FER: variants seen among roughly 807,000 people sequenced by gnomAD.
FER encodes tyrosine-protein kinase Fer.
A neutral mutation model predicts 111.0 loss-of-function variants in FER; 63 were observed. The observed-to-expected ratio is 0.57, with a 90% confidence interval of 0.46 to 0.70. The LOEUF (loss-of-function observed/expected upper bound fraction) is 0.70, where lower values mean the gene tolerates loss of function less well. FER is among the 30% of genes least tolerant of loss of function. The pLI, the probability that FER is intolerant of heterozygous loss-of-function variation, is 0.00. For missense variants in FER, 914 were observed against 954.0 expected (o/e 0.96, Z 0.55); for synonymous variants, 327 against 313.9 (o/e 1.04, Z -0.44).
intron 16 of FER, among the ~76,000 whole-genome samples, chr5:109,094,969 GCTGTTGTTTCTTGAA>G: frequency 6.6e-6 from 1 of 152,218 alleles, no homozygotes; most frequent in East Asian, 1.9e-4. Flanking sequence ...CAAGAGTATA[GCTGTTGTTTCTTGAA>G]CAAGCAACTT....
At chr5:108,825,775 C>A (rs572074438) in intron 3 of FER, among the ~76,000 whole-genome samples, 25 of 152,232 alleles carry the variant, frequency 1.6e-4, no homozygotes, top group Admixed American at 1.6e-3. Context: ...TTGGGGGAAC[C>A]AATAAATGTC....
At chr5:108,989,046 C>G (rs1029806370) in intron 13 of FER, among the ~76,000 whole-genome samples, 1 of 152,056 alleles carries the variant, frequency 6.6e-6, no homozygotes, top group Admixed American at 6.5e-5. Context: ...AACGGTCATT[C>G]ACGAGCAGGT....
intron 2 of FER, among the ~76,000 whole-genome samples, chr5:108,792,261 C>A (rs1313267935): frequency 6.6e-6 from 1 of 152,200 alleles, no homozygotes; most frequent in African/African-American, 2.4e-5. Context: ...ATTTGTAGAT[C>A]AAATTGGAGA....
intron 13 of FER, among the ~76,000 whole-genome samples, chr5:108,975,584 T>G (rs2149708548): frequency 6.6e-6 from 1 of 152,282 alleles, no homozygotes; most frequent in Admixed American, 6.5e-5. Flanking sequence ...TTTTGAATGG[T>G]CTTATACTAG....
intron 5 of FER, among the ~76,000 whole-genome samples, chr5:108,850,099 G>T (rs992169699): frequency 1.3e-4 from 19 of 151,856 alleles, no homozygotes; most frequent in African/African-American, 4.1e-4. Flanking sequence ...GGAGGCTGAG[G>T]CAGGAGAATT....
At chr5:108,952,660 T>G (rs1757927239) in intron 11 of FER, among the ~76,000 whole-genome samples, 1 of 152,092 alleles carries the variant, frequency 6.6e-6, no homozygotes, top group African/African-American at 2.4e-5. Context: ...TCCTTACTAT[T>G]TAGTTTTTTA....
intron 3 of FER, among the ~76,000 whole-genome samples, chr5:108,823,470 C>G (rs887431624): frequency 3.9e-5 from 6 of 152,092 alleles, no homozygotes; most frequent in African/African-American, 1.2e-4. Flanking sequence ...TAATAGCCAT[C>G]TTAATAGGTG....
At chr5:109,056,908 T>G (rs149524481) in intron 16 of FER, among the ~76,000 whole-genome samples, 3 of 152,212 alleles carry the variant, frequency 2.0e-5, no homozygotes, top group African/African-American at 4.8e-5. Flanking sequence ...TCAGATTCTT[T>G]TAGAAGTCCT....
At chr5:109,123,422 TG>T (rs1561924228) in intron 17 of FER, among the ~76,000 whole-genome samples, 1 of 152,076 alleles carries the variant, frequency 6.6e-6, no homozygotes, top group Admixed American at 6.5e-5. Context: ...TCCAAAGTGC[TG>T]GGATTACAGG....
intron 10 of FER, among the ~76,000 whole-genome samples, chr5:108,900,710 A>G (rs1749887460): frequency 6.6e-6 from 1 of 152,202 alleles, no homozygotes; most frequent in Non-Finnish European, 1.5e-5. Flanking sequence ...ATGCTTCTGT[A>G]GAAGAGTGCT....
At chr5:108,807,732 A>G (rs1370932752) in intron 3 of FER, among the ~76,000 whole-genome samples, 2 of 152,008 alleles carry the variant, frequency 1.3e-5, no homozygotes, top group Non-Finnish European at 2.9e-5. Flanking sequence ...AGATCTTTCT[A>G]CCTTTTTGAG....
At chr5:108,887,213 T>A (rs1747305120) in intron 9 of FER, among the ~76,000 whole-genome samples, 1 of 151,732 alleles carries the variant, frequency 6.6e-6, no homozygotes, top group African/African-American at 2.4e-5. Context: ...ATTAATGGAA[T>A]TATATTGAAT....
intron 2 of FER, among the ~76,000 whole-genome samples, chr5:108,790,235 CCA>C (rs66805209): frequency 0.49 from 71,590 of 144,992 alleles, 18,522 homozygotes; most frequent in East Asian, 0.77. Context: ...TGCATACACA[CCA>C]CACACACACA....
At chr5:108,957,641 T>C (rs1462881826) in intron 12 of FER, among the ~76,000 whole-genome samples, 3 of 151,592 alleles carry the variant, frequency 2.0e-5, no homozygotes, top group Non-Finnish European at 4.4e-5. Context: ...ACCAAAGGGA[T>C]ACCTGTACTC....
intron 3 of FER, among the ~76,000 whole-genome samples, chr5:108,819,138 C>T (rs1201032831): frequency 1.3e-5 from 2 of 151,632 alleles, no homozygotes; most frequent in Admixed American, 1.3e-4. Flanking sequence ...ACCTCAGCCT[C>T]CCGAGTAGCA....
At chr5:108,787,237 T>A (rs1456426091) in intron 2 of FER, among the ~76,000 whole-genome samples, 2 of 152,216 alleles carry the variant, frequency 1.3e-5, no homozygotes, top group Non-Finnish European at 2.9e-5. Flanking sequence ...CGGCCAGGTA[T>A]GTGCATGCTC....
At chr5:108,998,600 T>C (rs1197764145) in intron 13 of FER, among the ~76,000 whole-genome samples, 1 of 152,114 alleles carries the variant, frequency 6.6e-6, no homozygotes, top group Admixed American at 6.5e-5. Context: ...CTTGGCGCAT[T>C]AATGGCTCTT....
rs572431155 is a variant in FER at position 109,188,484 on chromosome 5, C to G, written c.*909C>G. The G allele has an allele frequency of 1.3e-5, 2 of 151,002 alleles. No individual in the cohort carries two copies. Among genetic ancestry groups the G allele is most frequent in the South Asian group, 4.2e-4 (2 of 4,768 alleles). The allele number at this position is 151,002 out of a possible 1,614,324, so 9.4% of individuals were successfully genotyped here. On this transcript the variant is annotated 3_prime_UTR_variant, in exon 20 of 20. Coordinates refer to ENST00000281092, the MANE Select transcript of FER (RefSeq NM_005246.4). Reference sequence around the variant, plus strand: ...CAAGGATGTACAGAGAGCTGTGAAGCAAGAAACAGATTTGAACAGGAGGGT... The same window carrying G: ...CAAGGATGTACAGAGAGCTGTGAAGGAAGAAACAGATTTGAACAGGAGGGT...
rs562641918 is a variant in FER, at chr5:109,135,058, T to C, written c.2048+34539T>C. On this transcript the variant is annotated intron_variant, in intron 17 of 19. Transcript: ENST00000281092. Reference sequence around the variant, plus strand: ...GCTGAATGACCCAGGTAAAGAAAGATAGGAAGGAGCATACTAAGCAGAAAT... The same window carrying C: ...GCTGAATGACCCAGGTAAAGAAAGACAGGAAGGAGCATACTAAGCAGAAAT... 5.3e-5 allele frequency among the ~76,000 whole-genome samples: 8 copies of C among 152,284 alleles called. No individual in the cohort carries two copies. The East Asian group carries it at 1.5e-3, about 29-fold the overall frequency.
Sources: allele counts gnomAD v4.1 joint callset (sites outside exome capture counted in the v4.1 genomes callset), GRCh38; gene constraint gnomAD v4.1.1; transcripts MANE v1.5; gene names NCBI Gene and HGNC (gene_info 2026-07-23, HGNC 2026-07-21).